The following NOXRED1 variants were observed in gnomAD, a reference collection of about 807,000 sequenced individuals.
NOXRED1 encodes the protein NADP dependent oxidoreductase domain containing 1, also known as NADP-dependent oxidoreductase domain-containing protein 1.
In NOXRED1, 20 loss-of-function variants were observed where a neutral mutation model predicts 30.4. The observed-to-expected ratio is 0.66, with a 90% confidence interval of 0.46 to 0.96. The LOEUF (loss-of-function observed/expected upper bound fraction) is 0.96, where lower values mean the gene tolerates loss of function less well. NOXRED1 is among the 40% of genes least tolerant of loss of function. NOXRED1 has a pLI of 0.00. For missense variants in NOXRED1, 374 were observed against 428.0 expected (o/e 0.87, Z 1.11); for synonymous variants, 155 against 168.0 (o/e 0.92, Z 0.60).
intron 5 of NOXRED1, among the ~76,000 whole-genome samples, chr14:77,402,558 C>T (rs1237407429): frequency 6.6e-6 from 1 of 150,938 alleles, no homozygotes; most frequent in Non-Finnish European, 1.5e-5. Context: ...CACTTGAACC[C>T]GGGAGGCAGA....
chr14:77,401,188 C>T (rs980401066), intron 5 of NOXRED1, among the ~76,000 whole-genome samples: 1 of 151,884 alleles, frequency 6.6e-6, no homozygotes, highest in Non-Finnish European at 1.5e-5. Flanking sequence ...GCCTGGCCAA[C>T]ATGGTGAAAC....
At chr14:77,422,618 G>A (rs977005034) in intron 1 of NOXRED1, 117 bp downstream of exon 1, 6 of 987,764 alleles carry the variant, frequency 6.1e-6, no homozygotes, top group South Asian at 1.4e-5. Flanking sequence ...GGTTGGAAAA[G>A]ATAGGATGAC....
Position 77,406,711 on chromosome 14 carries a change from G to A in NOXRED1, c.682+13C>T. 1 of 1,613,300 alleles carries A rather than the reference G, an allele frequency of 6.2e-7. No individual in the cohort carries two copies. Among genetic ancestry groups the A allele is most frequent in the Non-Finnish European group, 8.5e-7 (1 of 1,179,318 alleles). Reference sequence around the variant, plus strand: ...ATTTTCAAAAGAATGCCAGAAATATGTTGAGCCGTGACCAGCAGGACTGTA... The same window carrying A: ...ATTTTCAAAAGAATGCCAGAAATATATTGAGCCGTGACCAGCAGGACTGTA... On this transcript the variant is annotated intron_variant, in intron 4 of 5. Transcript: ENST00000380835.
At chr14:77,397,232 A>G (rs1427287792) in intron 5 of NOXRED1, among the ~76,000 whole-genome samples, 1 of 152,252 alleles carries the variant, frequency 6.6e-6, no homozygotes, top group Non-Finnish European at 1.5e-5. Context: ...CCAACTATTA[A>G]TACACATAAC....
chr14:77,414,170 C>G, intron 1 of NOXRED1, 43 bp from the exon 2 acceptor site: 1 of 1,174,334 alleles, frequency 8.5e-7, no homozygotes, highest in Non-Finnish European at 1.2e-6. Context: ...TACATGCACA[C>G]ACTAGTTTTT....
chr14:77,409,740 G>T (rs1384230477), intron 2 of NOXRED1, among the ~76,000 whole-genome samples: 3 of 151,634 alleles, frequency 2.0e-5, no homozygotes, highest in Non-Finnish European at 4.4e-5. Context: ...GCTTTGCAAA[G>T]AATATATATA....
chr14:77,425,961 C>A (rs954578044), upstream of NOXRED1, among the ~76,000 whole-genome samples: 1 of 151,554 alleles, frequency 6.6e-6, no homozygotes, highest in Non-Finnish European at 1.5e-5. Context: ...TGTGGTGGCA[C>A]GTGCCTGTAG....
intron 5 of NOXRED1, among the ~76,000 whole-genome samples, chr14:77,405,199 A>G (rs1894424233): frequency 6.6e-6 from 1 of 152,234 alleles, no homozygotes. Context: ...GTTGGAGACC[A>G]GCCTGGCCAA....
At position 77,405,900 on chromosome 14, in the gene NOXRED1, C is replaced by T; in HGVS notation, c.905+13G>A. 2 of 1,530,568 alleles carry T rather than the reference C, an allele frequency of 1.3e-6. No individual in the cohort carries two copies. The highest frequency in any genetic ancestry group is 1.8e-6 in the Non-Finnish European group (2 of 1,105,198). The allele number at this position is 1,530,568 out of a possible 1,614,324, so 94.8% of individuals were successfully genotyped here. The stretch of plus-strand genomic sequence containing the variant: ...GGGAGAAATGAGAATGGCCAGCTGT[C>T]CAATGCCCTTACCTTTCCTGAGACA... On this transcript the variant is annotated intron_variant, in intron 5 of 5. Transcript: ENST00000380835.
intron 5 of NOXRED1, among the ~76,000 whole-genome samples, chr14:77,398,602 C>G (rs1359605605): frequency 6.6e-6 from 1 of 152,148 alleles, no homozygotes; most frequent in Non-Finnish European, 1.5e-5. Flanking sequence ...AGAGTACAGG[C>G]TCACTCAAAG....
chr14:77,425,421 T>C (rs898728683), upstream of NOXRED1, among the ~76,000 whole-genome samples: 16 of 152,252 alleles, frequency 1.1e-4, no homozygotes, highest in South Asian at 3.3e-3. Flanking sequence ...ATATGCCTAG[T>C]GGTTCTGCTT....
chr14:77,412,075 C>T (rs1245766102), intron 2 of NOXRED1, among the ~76,000 whole-genome samples: 1 of 142,008 alleles, frequency 7.0e-6, no homozygotes, highest in East Asian at 2.0e-4. Context: ...TGCACTCCAG[C>T]CTAGGTGACA....
chr14:77,406,603 A>C (rs1465253975), intron 4 of NOXRED1, 121 bp downstream of exon 4: 5 of 318,364 alleles, frequency 1.6e-5, no homozygotes, highest in Non-Finnish European at 2.7e-5. Context: ...ACACACACAC[A>C]CACACACACA....
At chr14:77,399,618 G>C (rs1484478692) in intron 5 of NOXRED1, among the ~76,000 whole-genome samples, 1 of 152,142 alleles carries the variant, frequency 6.6e-6, no homozygotes, top group Non-Finnish European at 1.5e-5. Flanking sequence ...TTAGTAGACT[G>C]TTCATGGCCG....
chr14:77,394,711 T>C lies in NOXRED1; in HGVS notation c.1000A>G (p.Thr334Ala), dbSNP rs1594865824. The change falls in exon 6 of 6, where the codon ACC (threonine) becomes GCC (alanine). Residue 334 changes from threonine to alanine, a missense_variant. Physicochemically the swap from Thr to Ala is moderately conservative, Grantham distance 58 (BLOSUM62 0). Transcript: ENST00000380835. ...CCAAATGAAGCACAGTATAGATGGG[T>C]AAGGTGGTCTTGGAGAACAGGACTA... ...SSSPVLQDHL[T>A]HLYCASFGIS... is the part of the protein sequence containing the mutation. The C allele has an allele frequency of 6.2e-7, 1 of 1,613,096 alleles. No individual in the cohort carries two copies. The highest frequency in any genetic ancestry group is 1.3e-5 in the African/African-American group (1 of 74,890).
intron 1 of NOXRED1, among the ~76,000 whole-genome samples, chr14:77,416,101 A>C (rs1266896978): frequency 6.6e-6 from 1 of 152,210 alleles, no homozygotes; most frequent in Admixed American, 6.5e-5. Context: ...ACCTCATATA[A>C]GTAGAATTAT....
chr14:77,409,197 AAGAC>A (rs1594874557), intron 2 of NOXRED1, among the ~76,000 whole-genome samples: 1 of 152,106 alleles, frequency 6.6e-6, no homozygotes, highest in South Asian at 2.1e-4. Context: ...ACCTGGAAGA[AAGAC>A]AGATGATTTG....
At chr14:77,412,866 CAG>C (rs1173951388) in intron 2 of NOXRED1, among the ~76,000 whole-genome samples, 3 of 150,310 alleles carry the variant, frequency 2.0e-5, no homozygotes, top group African/African-American at 4.9e-5. Context: ...TAAAAAAAAA[CAG>C]AATACAAACA....
At chr14:77,424,610 T>C (rs144915109), upstream of NOXRED1, among the ~76,000 whole-genome samples, 1 of 152,382 alleles carries the variant, frequency 6.6e-6, no homozygotes, top group Admixed American at 6.5e-5. Context: ...TAATGCTTCC[T>C]GCTCCGAAGG....
Sources: gnomAD v4.1 joint callset for allele counts (sites outside exome capture counted in the v4.1 genomes callset) on GRCh38, gnomAD v4.1.1 for gene constraint, MANE v1.5 for transcripts, NCBI Gene and HGNC (gene_info 2026-07-23, HGNC 2026-07-21) for gene names.